The following ST3GAL2 variants were observed in gnomAD, a reference collection of about 807,000 sequenced individuals.
ST3GAL2 encodes CMP-N-acetylneuraminate-beta-galactosamide-alpha-2,3-sialyltransferase 2.
Under a neutral mutation model 37.5 loss-of-function variants are expected in ST3GAL2, and 16 were observed. The ratio of observed to expected loss-of-function variants is 0.43; its 90% confidence interval spans 0.29 to 0.65. ST3GAL2 has a LOEUF of 0.65. ST3GAL2 is among the 30% of genes least tolerant of loss of function. The pLI is 0.17. For missense variants in ST3GAL2, 383 were observed against 487.8 expected (o/e 0.79, Z 2.02); for synonymous variants, 238 against 202.9 (o/e 1.17, Z -1.47).
At chr16:70,427,461 C>A (rs1304345623) in intron 1 of ST3GAL2, among the ~76,000 whole-genome samples, 1 of 151,936 alleles carries the variant, frequency 6.6e-6, no homozygotes, top group African/African-American at 2.4e-5. Context: ...GCCTCAGCCT[C>A]CCAAGTAGCT....
chr16:70,409,380 A>T (rs2047619888), intron 1 of ST3GAL2, among the ~76,000 whole-genome samples: 1 of 150,940 alleles, frequency 6.6e-6, no homozygotes, highest in Admixed American at 6.6e-5. Context: ...TTTTGCTCTT[A>T]TTGCCCAGAC....
intron 2 of ST3GAL2, among the ~76,000 whole-genome samples, chr16:70,397,344 C>T (rs2047524214): frequency 6.6e-6 from 1 of 151,760 alleles, no homozygotes; most frequent in Non-Finnish European, 1.5e-5. Flanking sequence ...ACCGGCCTTC[C>T]CTACAAGGCT....
intron 6 of ST3GAL2, among the ~76,000 whole-genome samples, chr16:70,382,530 C>T (rs542233320): frequency 1.5e-3 from 224 of 152,258 alleles, no homozygotes; most frequent in Middle Eastern, 0.01. Flanking sequence ...GTAATCCGCC[C>T]GCCTCAGCTT....
Position 70,377,449 on chromosome 16 carries a change from C to T in ST3GAL2, c.*4240G>A, listed in dbSNP as rs1201830169. On this transcript the variant is annotated 3_prime_UTR_variant, in exon 7 of 7. Transcript: ENST00000342907. Reference sequence around the variant, plus strand: ...GAGCGGACATAGCACCACTGCATTCCAGCCTGGGCAATGGAGAGAGACTCC... The same window carrying T: ...GAGCGGACATAGCACCACTGCATTCTAGCCTGGGCAATGGAGAGAGACTCC... The T allele has an allele frequency of 6.8e-6, 1 of 146,780 alleles. No individual in the cohort carries two copies. The highest frequency in any genetic ancestry group is 1.5e-5 in the Non-Finnish European group (1 of 67,482). The allele number at this position is 146,780 out of a possible 1,614,324, so 9.1% of individuals were successfully genotyped here.
At chr16:70,415,922 C>T (rs1005531742) in intron 1 of ST3GAL2, among the ~76,000 whole-genome samples, 7 of 149,932 alleles carry the variant, frequency 4.7e-5, no homozygotes, top group Non-Finnish European at 8.9e-5. Context: ...ACTACAGGCA[C>T]GCGCCACCAC....
chr16:70,406,704 C>G (rs771203451), intron 1 of ST3GAL2, among the ~76,000 whole-genome samples: 1 of 152,004 alleles, frequency 6.6e-6, no homozygotes, highest in Non-Finnish European at 1.5e-5. Flanking sequence ...TCGCTTGAAC[C>G]TGGGAGGTGG....
At chr16:70,430,018 A>T (rs3852696) in intron 1 of ST3GAL2, among the ~76,000 whole-genome samples, 14,007 of 152,212 alleles carry the variant, frequency 0.092, 837 homozygotes, top group South Asian at 0.18. Flanking sequence ...AGACTGTGAA[A>T]ATCAGCTGCA....
chr16:70,404,017 A>G (rs189630929), intron 1 of ST3GAL2, among the ~76,000 whole-genome samples: 12 of 152,242 alleles, frequency 7.9e-5, no homozygotes, highest in African/African-American at 2.9e-4. Flanking sequence ...AAAGTTTTTT[A>G]GACATCCACA....
rs1047674944 is a variant in ST3GAL2, at chr16:70,379,319, C to T, written c.*2370G>A. The T allele has an allele frequency of 2.0e-5, 3 of 152,174 alleles. No homozygotes were observed. The highest frequency in any genetic ancestry group is 4.8e-5 in the African/African-American group (2 of 41,432). 9.4% of individuals were successfully genotyped at this position (152,174 alleles called of 1,614,324 possible). On this transcript the variant is annotated 3_prime_UTR_variant, in exon 7 of 7. Coordinates refer to ENST00000342907, the MANE Select transcript of ST3GAL2 (RefSeq NM_006927.4). ...GATTTTTAACCAAAATGCTTGTACC[C>T]GCTCAGATTTCAGTGTCTTGGAGCG... is the stretch of plus-strand genomic sequence containing the variant.
Position 70,379,171 on chromosome 16 carries a change from C to T in ST3GAL2, c.*2518G>A, listed in dbSNP as rs186015543. 3.4e-4 allele frequency: 51 copies of T among 152,216 alleles called. No individual in the cohort carries two copies. Among genetic ancestry groups the T allele is most frequent in the African/African-American group, 1.2e-3 (49 of 41,522 alleles). 9.4% of individuals were successfully genotyped at this position (152,216 alleles called of 1,614,324 possible). ...AAATGTATCGGAGCCTGATGGATAC[C>T]TGGAGACATCATGTTGACAGAGGCC... On this transcript the variant is annotated 3_prime_UTR_variant, in exon 7 of 7. Coordinates refer to ENST00000342907, the MANE Select transcript of ST3GAL2 (RefSeq NM_006927.4).
intron 1 of ST3GAL2, among the ~76,000 whole-genome samples, chr16:70,413,651 G>A (rs551267023): frequency 1.1e-4 from 17 of 148,182 alleles, no homozygotes; most frequent in Non-Finnish European, 1.5e-5. Context: ...CAGGAGAATT[G>A]CTTGAGCCCA....
chr16:70,397,495 G>A (rs995947824), intron 2 of ST3GAL2, among the ~76,000 whole-genome samples: 3 of 151,894 alleles, frequency 2.0e-5, no homozygotes, highest in African/African-American at 4.8e-5. Context: ...AAGCTGAGGC[G>A]GGCAGATCAT....
intron 3 of ST3GAL2, 111 bp from the exon 4 acceptor site, chr16:70,388,657 AACCTAGCAATTCC>A (rs2047459882): frequency 8.3e-7 from 1 of 1,208,476 alleles, no homozygotes; most frequent in African/African-American, 1.5e-5. Flanking sequence ...TGTATACTCC[AACCTAGCAATTCC>A]ATTGCTAGAA....
chr16:70,435,217 TCAGAA>T, intron 1 of ST3GAL2, among the ~76,000 whole-genome samples: 1 of 151,732 alleles, frequency 6.6e-6, no homozygotes, highest in Non-Finnish European at 1.5e-5. Flanking sequence ...CTGGGCAACA[TCAGAA>T]TGAAAGAAAA....
Position 70,395,010 on chromosome 16 carries a change from C to T in ST3GAL2, c.505G>A (p.Asp169Asn), listed in dbSNP as rs1461618992. The change falls in exon 3 of 7, where the codon GAC becomes AAC. Residue 169 changes from aspartate to asparagine, a missense_variant. Coordinates refer to ENST00000342907, the MANE Select transcript of ST3GAL2 (RefSeq NM_006927.4). ...ATGATGAAGTTGTGCCCGTCCACGTCCTGCCCATAGCCAGAGCCCCGCAGG... is the reference window on the plus strand; with the variant it reads ...ATGATGAAGTTGTGCCCGTCCACGTTCTGCCCATAGCCAGAGCCCCGCAGG... ...GNLRGSGYGQDVDGHNFIMRM... is the reference protein window; with the variant it reads ...GNLRGSGYGQNVDGHNFIMRM... 6.2e-7 allele frequency: 1 copy of T among 1,613,714 alleles called. No individual in the cohort carries two copies. The highest frequency in any genetic ancestry group is 8.5e-7 in the Non-Finnish European group (1 of 1,179,952).
intron 1 of ST3GAL2, among the ~76,000 whole-genome samples, chr16:70,408,767 C>A (rs2047611916): frequency 6.6e-6 from 1 of 151,828 alleles, no homozygotes; most frequent in Non-Finnish European, 1.5e-5. Flanking sequence ...CACACTTCTT[C>A]AAACCAAGAG....
chr16:70,399,160 C>T lies in ST3GAL2; in HGVS notation c.-630G>A, dbSNP rs115499607. 13 of 399,304 alleles carry T rather than the reference C, an allele frequency of 3.3e-5. No individual in the cohort carries two copies. The highest frequency in any genetic ancestry group is 4.9e-5 in the Non-Finnish European group (11 of 226,590). 24.7% of individuals were successfully genotyped at this position (399,304 alleles called of 1,614,324 possible). On this transcript the variant is annotated 5_prime_UTR_variant, in exon 2 of 7. Coordinates refer to ENST00000342907, the MANE Select transcript of ST3GAL2 (RefSeq NM_006927.4). Reference sequence around the variant, plus strand: ...AAGCTCTGTGAGTGTGGGAAAACTCCGCTGCAGAGATCGAGATCCTTTCCG... The same window carrying T: ...AAGCTCTGTGAGTGTGGGAAAACTCTGCTGCAGAGATCGAGATCCTTTCCG...
Position 70,381,297 on chromosome 16 carries a change from T to C in ST3GAL2, c.*392A>G, listed in dbSNP as rs966390536. On this transcript the variant is annotated 3_prime_UTR_variant, in exon 7 of 7. Transcript: ENST00000342907. ...CAGGTCTGGCCAGCTACTAAGACGA[T>C]CCTCCGCCCGAGGCTGACGGAAGTG... 3 of 185,384 alleles carry C rather than the reference T, an allele frequency of 1.6e-5. No homozygotes were observed. Among genetic ancestry groups the C allele is most frequent in the East Asian group, 3.1e-4 (2 of 6,408 alleles). The allele number at this position is 185,384 out of a possible 1,614,324, so 11.5% of individuals were successfully genotyped here.
chr16:70,436,049 C>T (rs1312951014), intron 1 of ST3GAL2, among the ~76,000 whole-genome samples: 1 of 151,718 alleles, frequency 6.6e-6, no homozygotes, highest in African/African-American at 2.4e-5. Flanking sequence ...TAGCCTGAAC[C>T]TGGGAGGCGG....
Sources: allele counts gnomAD v4.1 joint callset (sites outside exome capture counted in the v4.1 genomes callset), GRCh38; gene constraint gnomAD v4.1.1; transcripts MANE v1.5; gene names NCBI Gene and HGNC (gene_info 2026-07-23, HGNC 2026-07-21).